The following CPQ variants were observed in gnomAD, a reference collection of about 807,000 sequenced individuals.
CPQ encodes the protein Ser-Met dipeptidase.
In CPQ, 37 loss-of-function variants were observed where a neutral mutation model predicts 45.7. The observed-to-expected ratio is 0.81, with a 90% confidence interval of 0.62 to 1.07. The LOEUF (loss-of-function observed/expected upper bound fraction) is 1.07. CPQ is among the 50% of genes least tolerant of loss of function. The probability of loss-of-function intolerance (pLI) is 0.00; values close to 1 mark genes in which losing one functional copy is unlikely to be tolerated. For missense variants in CPQ, 537 were observed against 572.9 expected (o/e 0.94, Z 0.64); for synonymous variants, 186 against 205.8 (o/e 0.90, Z 0.82).
chr8:96,940,468 A>G (rs1797576667), intron 4 of CPQ, among the ~76,000 whole-genome samples: 1 of 152,086 alleles, frequency 6.6e-6, no homozygotes, highest in South Asian at 2.1e-4. Flanking sequence ...ATCCTTCCTT[A>G]GTTTTGTTCT....
chr8:96,840,026 G>C (rs552308646), intron 3 of CPQ, among the ~76,000 whole-genome samples: 12 of 152,240 alleles, frequency 7.9e-5, no homozygotes, highest in Admixed American at 2.0e-4. Context: ...CTTCCATGCT[G>C]TTAGATTGTA....
intron 1 of CPQ, among the ~76,000 whole-genome samples, chr8:96,667,392 G>C (rs1229695182): frequency 7.1e-6 from 1 of 141,264 alleles, no homozygotes; most frequent in Non-Finnish European, 1.5e-5. Flanking sequence ...ACTGTCACCT[G>C]GGCTGAAGTG....
chr8:96,955,812 G>C (rs905947557), intron 4 of CPQ, among the ~76,000 whole-genome samples: 1 of 152,128 alleles, frequency 6.6e-6, no homozygotes, highest in African/African-American at 2.4e-5. Context: ...GGGAAAACTG[G>C]CTAGCCATGT....
chr8:96,976,247 CAAAAAAA>C (rs55864086), intron 5 of CPQ, among the ~76,000 whole-genome samples: 7 of 60,844 alleles, frequency 1.2e-4, no homozygotes, highest in African/African-American at 3.1e-4. Context: ...CAATAGCTGA[CAAAAAAA>C]AAAAAAAAAA....
intron 1 of CPQ, among the ~76,000 whole-genome samples, chr8:96,777,753 TATATATA>T (rs1338288405): frequency 9.3e-4 from 13 of 13,936 alleles, no homozygotes; most frequent in African/African-American, 3.8e-3. Context: ...TATATATATA[TATATATA>T]TTTTTTTTTT....
chr8:96,842,418 C>G (rs1206937911), intron 3 of CPQ, among the ~76,000 whole-genome samples: 1 of 152,132 alleles, frequency 6.6e-6, no homozygotes, highest in South Asian at 2.1e-4. Context: ...TGACTCACCT[C>G]GATTAGTAGG....
At chr8:96,939,263 T>C (rs561154269) in intron 4 of CPQ, among the ~76,000 whole-genome samples, 1 of 152,296 alleles carries the variant, frequency 6.6e-6, no homozygotes, top group African/African-American at 2.4e-5. Context: ...CAGTTCACAA[T>C]AGGGTTTGGG....
intron 1 of CPQ, among the ~76,000 whole-genome samples, chr8:96,732,567 TTC>T (rs57819828): frequency 0.46 from 62,275 of 135,130 alleles, 13,334 homozygotes; most frequent in East Asian, 0.78. Context: ...CTTTCTATTT[TTC>T]TTTTTTTTTC....
chr8:97,045,502 C>T (rs62508623), intron 6 of CPQ, among the ~76,000 whole-genome samples: 13,359 of 152,246 alleles, frequency 0.088, 783 homozygotes, highest in Middle Eastern at 0.13. Flanking sequence ...CACTGTCCTG[C>T]GCCCACTGTC....
In CPQ at chr8:96,743,373, T is replaced by A. The variant is rs199598997; in HGVS notation, c.-34-41491T>A. 7.6e-4 allele frequency among the ~76,000 whole-genome samples: 115 copies of A among 151,972 alleles called. No individual in the cohort carries two copies. In the East Asian group the frequency reaches 0.021, roughly 27 times the overall value. On this transcript the variant is annotated intron_variant, in intron 1 of 7. Coordinates refer to ENST00000220763, the MANE Select transcript of CPQ (RefSeq NM_016134.4). ...TGTATTGGTTATTCTAGTTATACAT[T>A]CTTCTAAATTTTTTTCAAAGTTTTC...
At chr8:97,081,486 A>T (rs1194506191) in intron 7 of CPQ, among the ~76,000 whole-genome samples, 1 of 152,152 alleles carries the variant, frequency 6.6e-6, no homozygotes, top group Non-Finnish European at 1.5e-5. Context: ...AGCTTTTAAA[A>T]TTATCTCAGT....
intron 4 of CPQ, among the ~76,000 whole-genome samples, chr8:96,962,706 A>G (rs1224866150): frequency 1.3e-5 from 2 of 152,182 alleles, no homozygotes; most frequent in Admixed American, 1.3e-4. Flanking sequence ...ACATTAAGGA[A>G]TGCTAGCCAC....
intron 1 of CPQ, among the ~76,000 whole-genome samples, chr8:96,736,934 T>C (rs1314246586): frequency 6.6e-6 from 1 of 152,114 alleles, no homozygotes; most frequent in Non-Finnish European, 1.5e-5. Context: ...ACCTTTTTAA[T>C]ATCTGCTACA....
chr8:96,769,109 CT>C (rs1391835160), intron 1 of CPQ, among the ~76,000 whole-genome samples: 1 of 152,182 alleles, frequency 6.6e-6, no homozygotes, highest in Non-Finnish European at 1.5e-5. Flanking sequence ...ATTCTCTCCC[CT>C]GTCTCTGGAA....
intron 7 of CPQ, among the ~76,000 whole-genome samples, chr8:97,081,472 G>T (rs1027118299): frequency 2.6e-5 from 4 of 152,116 alleles, no homozygotes; most frequent in Non-Finnish European, 5.9e-5. Context: ...AAAATCACCT[G>T]GGGAGCTTTT....
At chr8:96,940,305 G>A (rs1813108559) in intron 4 of CPQ, among the ~76,000 whole-genome samples, 1 of 152,088 alleles carries the variant, frequency 6.6e-6, no homozygotes, top group African/African-American at 2.4e-5. Context: ...GGTTAACATT[G>A]CTACCATATG....
intron 2 of CPQ, among the ~76,000 whole-genome samples, chr8:96,818,242 C>T (rs1285041177): frequency 1.3e-5 from 2 of 151,806 alleles, no homozygotes; most frequent in African/African-American, 4.8e-5. Context: ...TCTGACTGCT[C>T]CATCAACCTT....
At chr8:96,842,128 G>T (rs2130853913) in intron 3 of CPQ, among the ~76,000 whole-genome samples, 1 of 152,166 alleles carries the variant, frequency 6.6e-6, no homozygotes, top group Non-Finnish European at 1.5e-5. Flanking sequence ...GGTCTATTTT[G>T]GATGATTTTT....
At chr8:96,876,652 G>T (rs746514964) in intron 3 of CPQ, among the ~76,000 whole-genome samples, 1 of 152,108 alleles carries the variant, frequency 6.6e-6, no homozygotes, top group South Asian at 2.1e-4. Context: ...GCTAGATTTT[G>T]TGAAATACTT....
Sources: gnomAD v4.1 joint callset for allele counts (sites outside exome capture counted in the v4.1 genomes callset) on GRCh38, gnomAD v4.1.1 for gene constraint, MANE v1.5 for transcripts, NCBI Gene and HGNC (gene_info 2026-07-23, HGNC 2026-07-21) for gene names.